The following FABP6 variants were observed in gnomAD, a reference collection of about 807,000 sequenced individuals.
FABP6 encodes the protein gastrotropin.
A neutral mutation model predicts 14.9 loss-of-function variants in FABP6; 13 were observed. The observed-to-expected ratio is 0.87, with a 90% confidence interval of 0.57 to 1.39. The LOEUF is 1.39. Ranked by LOEUF, FABP6 falls within the 40% of genes most tolerant of loss-of-function variation. The probability of loss-of-function intolerance (pLI) is 0.00; values close to 1 mark genes in which losing one functional copy is unlikely to be tolerated. For synonymous variants in FABP6, 75 were observed against 63.6 expected (o/e 1.18, Z -0.85); for missense variants, 161 against 167.2 (o/e 0.96, Z 0.20).
At chr5:160,224,571 G>C (rs1760201871), upstream of FABP6, among the ~76,000 whole-genome samples, 1 of 152,142 alleles carries the variant, frequency 6.6e-6, no homozygotes, top group South Asian at 2.1e-4. Flanking sequence ...CAAAAGCTGG[G>C]TCTCTTGAGT....
At chr5:160,225,621 C>T (rs980464286), upstream of FABP6, among the ~76,000 whole-genome samples, 2 of 151,400 alleles carry the variant, frequency 1.3e-5, no homozygotes, top group African/African-American at 2.4e-5. Context: ...AGGATGGTCT[C>T]GATCTCCTGA....
chr5:160,235,781 C>G (rs1760501143), intron 3 of FABP6, among the ~76,000 whole-genome samples: 1 of 152,160 alleles, frequency 6.6e-6, no homozygotes, highest in Non-Finnish European at 1.5e-5. Context: ...CCTTCTCTCT[C>G]TCTCTCTCTC....
At chr5:160,198,607 G>A (rs142299676) in intron 1 of FABP6, 159 of 158,070 alleles carry the variant, frequency 1.0e-3, no homozygotes, top group African/African-American at 3.6e-3. Context: ...AAGTGTGCAC[G>A]GTCCCCAGGC....
chr5:160,189,622 G>C (rs1759357338), intron 1 of FABP6, among the ~76,000 whole-genome samples: 1 of 152,076 alleles, frequency 6.6e-6, no homozygotes, highest in African/African-American at 2.4e-5. Flanking sequence ...TGTAATTCCA[G>C]CACTTTGGGA....
At chr5:160,202,612 C>T (rs1457068742) in intron 2 of FABP6, among the ~76,000 whole-genome samples, 13 of 151,824 alleles carry the variant, frequency 8.6e-5, no homozygotes, top group East Asian at 2.0e-4. Context: ...CTGGCTAACA[C>T]GGTGAAACCC....
intron 1 of FABP6, chr5:160,198,145 C>A (rs1759554802): frequency 6.6e-6 from 1 of 152,094 alleles, no homozygotes; most frequent in Non-Finnish European, 1.5e-5. Context: ...AGTTTCTGCA[C>A]AGACCCAAGA....
intron 3 of FABP6, among the ~76,000 whole-genome samples, chr5:160,216,477 A>G (rs1035865867): frequency 2.0e-5 from 3 of 151,998 alleles, no homozygotes; most frequent in Non-Finnish European, 4.4e-5. Context: ...CATGTTGGCC[A>G]GGTTGGTCTC....
intron 1 of FABP6, among the ~76,000 whole-genome samples, chr5:160,194,391 G>A (rs1759467939): frequency 6.6e-6 from 1 of 152,278 alleles, no homozygotes. Flanking sequence ...CTCAAGTGCC[G>A]CCAAAGTGGG....
At chr5:160,225,603 G>A (rs1013478807), upstream of FABP6, among the ~76,000 whole-genome samples, 9 of 150,850 alleles carry the variant, frequency 6.0e-5, no homozygotes, top group Admixed American at 1.3e-4. Flanking sequence ...GGGTTTCACT[G>A]TTTAGCCAGG....
intron 1 of FABP6, among the ~76,000 whole-genome samples, chr5:160,188,544 C>T (rs957158776): frequency 6.6e-5 from 10 of 152,170 alleles, no homozygotes; most frequent in African/African-American, 2.2e-4. Context: ...GGAGAGGCCG[C>T]CGCCGCGCGG....
upstream of FABP6, among the ~76,000 whole-genome samples, chr5:160,225,093 GTT>G (rs61110860): frequency 3.8e-4 from 55 of 146,276 alleles, no homozygotes; most frequent in Admixed American, 4.8e-4. Flanking sequence ...CCTGATAGCA[GTT>G]TTTTTTTTTT....
chr5:160,226,584 T>C (rs141488904), upstream of FABP6, among the ~76,000 whole-genome samples: 928 of 152,192 alleles, frequency 6.1e-3, 9 homozygotes, highest in African/African-American at 0.021. Flanking sequence ...TCTGTGACTT[T>C]GGCAAGGTAT....
At position 160,235,946 on chromosome 5, in the gene FABP6, G is replaced by A. The variant is rs73308618; in HGVS notation, c.333+1037G>A. Among the ~76,000 whole-genome samples, 1,271 of 151,902 alleles carry A rather than the reference G, an allele frequency of 8.4e-3. 24 individuals are homozygous for A. Among genetic ancestry groups the A allele is most frequent in the African/African-American group, 0.03 (1,228 of 41,424 alleles). The stretch of plus-strand genomic sequence containing the variant: ...AGTACAAGATCAGGGTGCCAGCATG[G>A]TCAGGGGCTTATGAGGGCCCCCGTC... On this transcript the variant is annotated intron_variant, in intron 3 of 3. Coordinates refer to ENST00000402432, the MANE Select transcript of FABP6 (RefSeq NM_001445.3).
intron 3 of FABP6, among the ~76,000 whole-genome samples, chr5:160,216,017 A>T (rs1387719976): frequency 2.0e-5 from 3 of 152,180 alleles, no homozygotes; most frequent in Non-Finnish European, 4.4e-5. Flanking sequence ...TGGGAAGCCA[A>T]TGTGGCGGAA....
At chr5:160,226,109 G>C (rs1212833754), upstream of FABP6, among the ~76,000 whole-genome samples, 1 of 151,970 alleles carries the variant, frequency 6.6e-6, no homozygotes, top group Non-Finnish European at 1.5e-5. Flanking sequence ...GGGAGGCAGA[G>C]GGTGCAGTGA....
chr5:160,225,914 C>T (rs933419313), upstream of FABP6, among the ~76,000 whole-genome samples: 1 of 152,106 alleles, frequency 6.6e-6, no homozygotes, highest in African/African-American at 2.4e-5. Flanking sequence ...TGGCTCACAC[C>T]TGTAATACCC....
chr5:160,204,246 G>T (rs1186586915), intron 2 of FABP6, among the ~76,000 whole-genome samples: 10 of 152,060 alleles, frequency 6.6e-5, no homozygotes, highest in African/African-American at 2.4e-4. Context: ...GAACCCAGGA[G>T]TTGGAGGCTG....
chr5:160,188,399 G>C (rs899162328), intron 1 of FABP6, among the ~76,000 whole-genome samples: 1 of 152,076 alleles, frequency 6.6e-6, no homozygotes, highest in South Asian at 2.1e-4. Flanking sequence ...GGCTGGCTGA[G>C]GGCGGACTCT....
intron 2 of FABP6, 105 bp from the exon 3 acceptor site, chr5:160,234,715 C>A: frequency 1.3e-6 from 1 of 761,776 alleles, no homozygotes; most frequent in Non-Finnish European, 2.1e-6. Context: ...GCATAAGCCA[C>A]CGTGCCTGGC....
Sources: allele counts gnomAD v4.1 joint callset (sites outside exome capture counted in the v4.1 genomes callset), GRCh38; gene constraint gnomAD v4.1.1; transcripts MANE v1.5; gene names NCBI Gene and HGNC (gene_info 2026-07-23, HGNC 2026-07-21).